XIRP2: variants seen among roughly 807,000 people sequenced by gnomAD.
The protein encoded by XIRP2 is xin actin binding repeat containing 2, also known as xin actin-binding repeat-containing protein 2.
A neutral mutation model predicts 277.0 loss-of-function variants in XIRP2; 236 were observed. The observed-to-expected ratio is 0.85, with a 90% CI of 0.77 to 0.95. The LOEUF is 0.95. Among genes scored for constraint, XIRP2 ranks in the 40% least tolerant of loss-of-function variants. The pLI is 0.00. For missense variants in XIRP2, 4,640 were observed against 4,157.5 expected (o/e 1.12, Z -3.19); for synonymous variants, 1,490 against 1,416.5 (o/e 1.05, Z -1.17).
intron 2 of XIRP2, among the ~76,000 whole-genome samples, chr2:166,962,676 T>A (rs1686327968): frequency 6.6e-6 from 1 of 151,782 alleles, no homozygotes; most frequent in Non-Finnish European, 1.5e-5. Flanking sequence ...TATTAATTTG[T>A]CATGGAGATA....
intron 1 of XIRP2, among the ~76,000 whole-genome samples, chr2:166,893,398 C>G (rs1684159142): frequency 1.3e-5 from 2 of 152,132 alleles, no homozygotes; most frequent in Admixed American, 6.6e-5. Context: ...AGTTCTTGAA[C>G]ATATGCATAT....
intron 8 of XIRP2, among the ~76,000 whole-genome samples, chr2:167,242,308 A>T (rs1295664684): frequency 6.6e-6 from 1 of 152,196 alleles, no homozygotes; most frequent in Non-Finnish European, 1.5e-5. Context: ...AAGAATCACG[A>T]TTATGTGTAA....
intron 2 of XIRP2, among the ~76,000 whole-genome samples, chr2:166,928,149 G>C (rs149908009): frequency 3.4e-4 from 52 of 152,236 alleles, no homozygotes; most frequent in African/African-American, 1.2e-3. Context: ...GTTTGTTGCT[G>C]TAGGGCAGAT....
chr2:166,996,311 A>G (rs986036094), intron 2 of XIRP2, among the ~76,000 whole-genome samples: 5 of 152,178 alleles, frequency 3.3e-5, no homozygotes, highest in African/African-American at 4.8e-5. Context: ...TGGCAAAGTT[A>G]TTTGCCAACA....
intron 2 of XIRP2, among the ~76,000 whole-genome samples, chr2:166,940,660 T>C (rs543808982): frequency 1.1e-4 from 17 of 152,342 alleles, no homozygotes; most frequent in South Asian, 1.0e-3. Flanking sequence ...GTTTTCCTTC[T>C]AACAGTCAGG....
At chr2:167,098,507 A>G (rs746109436) in intron 2 of XIRP2, among the ~76,000 whole-genome samples, 1 of 152,042 alleles carries the variant, frequency 6.6e-6, no homozygotes, top group Non-Finnish European at 1.5e-5. Flanking sequence ...CCTTTAGAGG[A>G]GTTTGTTATT....
chr2:167,215,408 A>T lies in XIRP2; in HGVS notation c.724-2758A>T, dbSNP rs187846572. On this transcript the variant is annotated intron_variant, in intron 4 of 10. Coordinates refer to ENST00000409195, the MANE Select transcript of XIRP2 (RefSeq NM_152381.6). ...CCACATAAATGAGGAAACGTTATTA[A>T]CTTAGTAAAGCAACAACTTGAGTAC... Among the ~76,000 whole-genome samples the T allele has an allele frequency of 2.2e-4, 34 of 152,352 alleles. 1 individual carries two copies. The East Asian group carries it at 6.4e-3, about 29-fold the overall frequency.
intron 4 of XIRP2, among the ~76,000 whole-genome samples, chr2:167,214,229 GAA>G (rs1694165962): frequency 1.2e-5 from 1 of 84,776 alleles, no homozygotes; most frequent in Non-Finnish European, 2.2e-5. Flanking sequence ...AGGGAGGGAG[GAA>G]GGAAGGAAGG....
chr2:167,037,271 A>C (rs896169236), intron 2 of XIRP2, among the ~76,000 whole-genome samples: 1 of 152,180 alleles, frequency 6.6e-6, no homozygotes, highest in African/African-American at 2.4e-5. Context: ...TCCTCAACAC[A>C]TGGATCATTC....
intron 5 of XIRP2, among the ~76,000 whole-genome samples, chr2:167,222,364 T>A (rs1573970703): frequency 1.3e-5 from 2 of 152,120 alleles, no homozygotes; most frequent in East Asian, 3.9e-4. Context: ...AGTTAGGTGG[T>A]GGGAAGGGTT....
intron 3 of XIRP2, among the ~76,000 whole-genome samples, chr2:167,155,690 ACAGGGATG>A (rs895374473): frequency 6.6e-6 from 1 of 151,872 alleles, no homozygotes; most frequent in African/African-American, 2.4e-5. Context: ...CTGGCACAAG[ACAGGGATG>A]CCCTCTCTCA....
intron 2 of XIRP2, among the ~76,000 whole-genome samples, chr2:167,036,043 G>C (rs1688497843): frequency 1.3e-5 from 2 of 152,198 alleles, no homozygotes; most frequent in Non-Finnish European, 2.9e-5. Flanking sequence ...CCTCTGCCTA[G>C]ATTTCAGAAG....
Position 167,244,941 on chromosome 2 carries a change from G to A in XIRP2, c.3549G>A (p.Lys1183=), listed in dbSNP as rs745634179. 2 of 1,611,788 alleles carry A rather than the reference G, an allele frequency of 1.2e-6. No homozygotes were observed. The highest frequency in any genetic ancestry group is 2.2e-5 in the East Asian group (1 of 44,810). Residue 1183 remains lysine, a synonymous_variant, in exon 9 of 11, where the codon AAG becomes AAA. Transcript: ENST00000409195. Reference sequence around the variant, plus strand: ...ACAGCATACAAGGAGAAGAAGTGAAGGAAATCAAGCCTGTTGAAATGGATA... The same window carrying A: ...ACAGCATACAAGGAGAAGAAGTGAAAGAAATCAAGCCTGTTGAAATGGATA... ...NLDSIQGEEV[K]EIKPVEMDIQ...
intron 3 of XIRP2, among the ~76,000 whole-genome samples, chr2:167,177,168 A>G (rs1692872018): frequency 6.6e-6 from 1 of 152,184 alleles, no homozygotes; most frequent in Admixed American, 6.5e-5. Flanking sequence ...TTTTTGTTTT[A>G]TCTACATCTA....
At chr2:166,932,880 A>T (rs1276799890) in intron 2 of XIRP2, among the ~76,000 whole-genome samples, 1 of 152,142 alleles carries the variant, frequency 6.6e-6, no homozygotes, top group Non-Finnish European at 1.5e-5. Flanking sequence ...TTTTGAACCA[A>T]CTATTCTATT....
intron 1 of XIRP2, among the ~76,000 whole-genome samples, chr2:166,899,312 A>G (rs1684318430): frequency 1.3e-5 from 2 of 152,124 alleles, no homozygotes; most frequent in African/African-American, 4.8e-5. Context: ...CTAGTTTATA[A>G]TATAATTGTG....
rs1686100402 is a variant in XIRP2, at chr2:166,953,984, TC to T, written c.408+50098del. The stretch of plus-strand genomic sequence containing the variant: ...AGATATAAAGAAATCATAGGAATTT[TC>T]CCCACATATTTTATTGTTACATTTT... On this transcript the variant is annotated intron_variant, in intron 2 of 10. Transcript: ENST00000409195. 2.0e-5 allele frequency among the ~76,000 whole-genome samples: 3 copies of T among 151,920 alleles called. No individual in the cohort carries two copies. The South Asian group carries it at 6.2e-4, about 31-fold the overall frequency.
chr2:167,136,268 AATAGAATAT>A (rs1274131409), intron 3 of XIRP2, among the ~76,000 whole-genome samples: 3 of 152,162 alleles, frequency 2.0e-5, no homozygotes, highest in Non-Finnish European at 2.9e-5. Flanking sequence ...TTTAAAACTA[AATAGAATAT>A]ATTTTAATTG....
Position 167,244,919 on chromosome 2 carries a change from G to A in XIRP2, c.3527G>A (p.Ser1176Asn), listed in dbSNP as rs371539232. The stretch of plus-strand genomic sequence containing the variant: ...CTTTTTGAGACAGAAAATTTGGACA[G>A]CATACAAGGAGAAGAAGTGAAGGAA... ...CFLFETENLD[S>N]IQGEEVKEIK... The change falls in exon 9 of 11, where the codon AGC becomes AAC. Residue 1176 changes from serine (S) to asparagine (N), a missense_variant. Transcript: ENST00000409195. 8.7e-6 allele frequency: 14 copies of A among 1,612,708 alleles called. No individual in the cohort carries two copies. The highest frequency in any genetic ancestry group is 1.2e-5 in the Non-Finnish European group (14 of 1,179,584).
Sources: gnomAD v4.1 joint callset for allele counts (sites outside exome capture counted in the v4.1 genomes callset) on GRCh38, gnomAD v4.1.1 for gene constraint, MANE v1.5 for transcripts, NCBI Gene and HGNC (gene_info 2026-07-23, HGNC 2026-07-21) for gene names.